Variants in NOS1 observed in about 807,000 individuals in gnomAD.
NOS1 encodes nitric oxide synthase 1, also known as NOS type I.
Under a neutral mutation model 164.5 loss-of-function variants are expected in NOS1, and 51 were observed. The observed-to-expected ratio is 0.31, with a 90% CI of 0.25 to 0.39. NOS1 has a LOEUF of 0.39. Ranked by LOEUF, NOS1 falls within the 10% of genes least tolerant of loss-of-function variation. The pLI, the probability that NOS1 is intolerant of heterozygous loss-of-function variation, is 1.00. For synonymous variants in NOS1, 719 were observed against 745.8 expected, an observed-to-expected ratio of 0.96 and a Z score of 0.59; for missense variants, 1,362 against 1,885.6, an observed-to-expected ratio of 0.72 and a Z score of 5.14.
Position 117,208,715 on chromosome 12 carries a change from T to C in NOS1, c.*6594A>G. On this transcript the variant is annotated 3_prime_UTR_variant, in exon 29 of 29. Coordinates refer to ENST00000317775, the MANE Select transcript of NOS1 (RefSeq NM_000620.5). ...TGAAACAGACTGCCATCCTCTGTTCTGGCATGGGAGGGCTTTTTTTTTTTT... is the reference window on the plus strand; with the variant it reads ...TGAAACAGACTGCCATCCTCTGTTCCGGCATGGGAGGGCTTTTTTTTTTTT... The C allele has an allele frequency of 3.0e-6, 3 of 1,011,448 alleles. No individual in the cohort carries two copies. The highest frequency in any genetic ancestry group is 3.5e-6 in the Non-Finnish European group (3 of 851,862). The allele number at this position is 1,011,448 out of a possible 1,614,324, so 62.7% of individuals were successfully genotyped here.
At chr12:117,297,411 G>C (rs1355912729) in intron 3 of NOS1, among the ~76,000 whole-genome samples, 2 of 151,150 alleles carry the variant, frequency 1.3e-5, no homozygotes. Context: ...TTTTTTTTGA[G>C]ATAGAGTTTT....
In NOS1 at chr12:117,247,542, A is replaced by C; in HGVS notation, c.2649-20T>G. 2 of 1,600,300 alleles carry C rather than the reference A, an allele frequency of 1.2e-6. No individual in the cohort carries two copies. The highest frequency in any genetic ancestry group is 1.7e-6 in the Non-Finnish European group (2 of 1,173,106). On this transcript the variant is annotated intron_variant, in intron 17 of 28. Transcript: ENST00000317775. ...GAGAACCTGTCAAGGAGATGACAGAATGTTCATGCTAAGGGACTGTGGGGA... is the reference window on the plus strand; with the variant it reads ...GAGAACCTGTCAAGGAGATGACAGACTGTTCATGCTAAGGGACTGTGGGGA...
rs71099039 is a variant in NOS1, at chr12:117,274,769, C to CAAAAAA, written c.1665-2216_1665-2211dup. ...TGGGCTGGAGTGACACTCCGTCTCA[C>CAAAAAA]AAAAAAAAAAAAAAAAAAAAAAGAA... On this transcript the variant is annotated intron_variant, in intron 9 of 28. Transcript: ENST00000317775. Among the ~76,000 whole-genome samples the CAAAAAA allele has an allele frequency of 5.4e-3, 406 of 75,114 alleles. 1 individual carries two copies. Among genetic ancestry groups the CAAAAAA allele is most frequent in the Middle Eastern group, 0.011 (1 of 88 alleles). The allele number at this position is 75,114 out of a possible 152,430, so 49.3% of individuals were successfully genotyped here.
intron 13 of NOS1, among the ~76,000 whole-genome samples, 199 bp downstream of exon 13, chr12:117,263,690 T>C (rs932142838): frequency 6.6e-6 from 1 of 151,450 alleles, no homozygotes; most frequent in South Asian, 2.1e-4. Flanking sequence ...GTGAGGAAAG[T>C]GAGGCTGAGA....
chr12:117,212,337 G>A lies in NOS1; in HGVS notation c.*2972C>T. The A allele has an allele frequency of 1.0e-6, 1 of 985,378 alleles. No individual in the cohort carries two copies. Among genetic ancestry groups the A allele is most frequent in the Non-Finnish European group, 1.2e-6 (1 of 829,932 alleles). 61.0% of individuals were successfully genotyped at this position (985,378 alleles called of 1,614,324 possible). A position where few individuals can be genotyped will look rare whatever the true frequency, so the allele number is the denominator to read the frequency against. ...ATCTGCACCAACAGGGGCAGAATTA[G>A]GATTTGCACTCAGGTCGGCTCCCAA... On this transcript the variant is annotated 3_prime_UTR_variant, in exon 29 of 29. Transcript: ENST00000317775.
chr12:117,295,982 C>G (rs1252683549), intron 3 of NOS1, among the ~76,000 whole-genome samples: 1 of 151,948 alleles, frequency 6.6e-6, no homozygotes, highest in Non-Finnish European at 1.5e-5. Context: ...CCCCAATCAC[C>G]CTTACCATGC....
In NOS1 at chr12:117,280,680, T is replaced by C. The variant is rs1326539964; in HGVS notation, c.1524+45A>G. 2.1e-6 allele frequency: 3 copies of C among 1,414,672 alleles called. No individual in the cohort carries two copies. In the African/African-American group the frequency reaches 4.6e-5, roughly 22 times the overall value. The allele number at this position is 1,414,672 out of a possible 1,614,324, so 87.6% of individuals were successfully genotyped here. Reference sequence around the variant, plus strand: ...CGAAAAAGTCTGTGGTCTGGGGACATAAGAGCCCATGTTGGGGCAGGGTAG... The same window carrying C: ...CGAAAAAGTCTGTGGTCTGGGGACACAAGAGCCCATGTTGGGGCAGGGTAG... On this transcript the variant is annotated intron_variant, in intron 8 of 28. Coordinates refer to ENST00000317775, the MANE Select transcript of NOS1 (RefSeq NM_000620.5).
chr12:117,221,939 CG>C (rs892863133), intron 26 of NOS1, among the ~76,000 whole-genome samples: 50 of 150,890 alleles, frequency 3.3e-4, no homozygotes, highest in Admixed American at 2.8e-3. Context: ...GGATTACAGG[CG>C]TGAGTCACGG....
intron 7 of NOS1, among the ~76,000 whole-genome samples, chr12:117,283,976 G>T (rs1427301583): frequency 2.0e-5 from 3 of 152,006 alleles, no homozygotes; most frequent in Admixed American, 1.3e-4. Flanking sequence ...AAGGGGTGAG[G>T]TCTCTTGGAA....
chr12:117,281,243 C>T (rs888544343), intron 7 of NOS1, among the ~76,000 whole-genome samples: 8 of 152,152 alleles, frequency 5.3e-5, no homozygotes, highest in Non-Finnish European at 8.8e-5. Flanking sequence ...CACTAGACGC[C>T]GGGCGCGGTG....
chr12:117,353,576 C>A (rs1184593179), intron 1 of NOS1, among the ~76,000 whole-genome samples: 3 of 151,926 alleles, frequency 2.0e-5, no homozygotes, highest in Admixed American at 6.6e-5. Flanking sequence ...AGTCATAAGT[C>A]TCATCCCTGT....
chr12:117,360,278 T>A (rs1220540372), intron 1 of NOS1, among the ~76,000 whole-genome samples: 2 of 151,934 alleles, frequency 1.3e-5, no homozygotes, highest in Non-Finnish European at 2.9e-5. Context: ...GGGGCGAGCG[T>A]CTGGCGTCCT....
Position 117,215,264 on chromosome 12 carries a change from G to C in NOS1, c.*45C>G, listed in dbSNP as rs757710557. 15 of 1,525,308 alleles carry C rather than the reference G, an allele frequency of 9.8e-6. No homozygotes were observed. In the South Asian group the frequency reaches 1.7e-4, roughly 17 times the overall value. 94.5% of individuals were successfully genotyped at this position (1,525,308 alleles called of 1,614,324 possible). A position where few individuals can be genotyped will look rare whatever the true frequency, so the allele number is the denominator to read the frequency against. ...CCAGAGGAAAGGTTCAGCAGTGTCT[G>C]TCCGCGCTTACAAAACTTGCAGCCG... On this transcript the variant is annotated 3_prime_UTR_variant, in exon 29 of 29. Transcript: ENST00000317775.
In NOS1 at chr12:117,208,391, C is replaced by CGTGTGTGTGTGTGTGTGT; in HGVS notation, c.*6900_*6917dup. On this transcript the variant is annotated 3_prime_UTR_variant, in exon 29 of 29. Coordinates refer to ENST00000317775, the MANE Select transcript of NOS1 (RefSeq NM_000620.5). ...GGGGGGACGGCCGAGTTTCTGACAG[C>CGTGTGTGTGTGTGTGTGT]GTGTGTGTGTGTGTGTGTGTGTGTG... The CGTGTGTGTGTGTGTGTGT allele has an allele frequency of 0.092, 109,102 of 1,186,432 alleles. 6,734 individuals carry two copies. Among genetic ancestry groups the CGTGTGTGTGTGTGTGTGT allele is most frequent in the Admixed American group, 0.23 (9,177 of 39,578 alleles). 73.5% of individuals were successfully genotyped at this position (1,186,432 alleles called of 1,614,324 possible).
At chr12:117,263,007 A>G (rs1872067554) in intron 13 of NOS1, among the ~76,000 whole-genome samples, 1 of 152,058 alleles carries the variant, frequency 6.6e-6, no homozygotes, top group African/African-American at 2.4e-5. Context: ...AACCATTATT[A>G]TTTCCAGGAA....
chr12:117,261,485 GAGAGAA>G (rs762302655), intron 13 of NOS1, among the ~76,000 whole-genome samples: 53 of 152,270 alleles, frequency 3.5e-4, no homozygotes, highest in Non-Finnish European at 6.2e-4. Flanking sequence ...ATGTGTGAAT[GAGAGAA>G]AGAGAGAGAG....
intron 2 of NOS1, among the ~76,000 whole-genome samples, chr12:117,322,260 TTTCCCTTCC>T: frequency 8.7e-6 from 1 of 114,902 alleles, no homozygotes; most frequent in Non-Finnish European, 1.8e-5. Flanking sequence ...CCCTCCCTCC[TTTCCCTTCC>T]TCTTTCCTTT....
chr12:117,281,341 G>A (rs1436026126), intron 7 of NOS1, among the ~76,000 whole-genome samples: 6 of 151,542 alleles, frequency 4.0e-5, no homozygotes, highest in Non-Finnish European at 8.8e-5. Context: ...CCAACACAGT[G>A]AAACCCCGTC....
intron 1 of NOS1, among the ~76,000 whole-genome samples, chr12:117,357,018 C>G (rs1355535612): frequency 6.6e-6 from 1 of 152,130 alleles, no homozygotes; most frequent in Admixed American, 6.5e-5. Context: ...CCTGATAGGT[C>G]ACTTATAAAA....
Sources: allele counts gnomAD v4.1 joint callset (sites outside exome capture counted in the v4.1 genomes callset), GRCh38; gene constraint gnomAD v4.1.1; transcripts MANE v1.5; gene names NCBI Gene and HGNC (gene_info 2026-07-23, HGNC 2026-07-21).